Variants in INPP5D observed in about 807,000 individuals in gnomAD.
INPP5D encodes the protein phosphatidylinositol 3,4,5-trisphosphate 5-phosphatase 1.
In INPP5D, 33 loss-of-function variants were observed where a neutral mutation model predicts 122.9. The observed-to-expected ratio is 0.27, with a 90% confidence interval of 0.20 to 0.36. The LOEUF (loss-of-function observed/expected upper bound fraction) is 0.36. Among genes scored for constraint, INPP5D ranks in the 10% least tolerant of loss-of-function variants. The pLI is 1.00. For missense variants in INPP5D, 1,053 were observed against 1,412.7 expected, an observed-to-expected ratio of 0.75 and a Z score of 4.08; for synonymous variants, 584 against 576.2, an observed-to-expected ratio of 1.01 and a Z score of -0.19.
At chr2:233,122,830 A>AAGAGAC (rs1693030234) in intron 3 of INPP5D, among the ~76,000 whole-genome samples, 1 of 152,092 alleles carries the variant, frequency 6.6e-6, no homozygotes, top group Non-Finnish European at 1.5e-5. Flanking sequence ...GAGAGAGAGA[A>AAGAGAC]AGAGACAGTA....
chr2:233,129,740 C>G (rs373828346), intron 4 of INPP5D, among the ~76,000 whole-genome samples: 3 of 152,184 alleles, frequency 2.0e-5, no homozygotes, highest in African/African-American at 7.2e-5. Flanking sequence ...AGCCTTTGGC[C>G]GTGAAATTGC....
intron 26 of INPP5D, 92 bp downstream of exon 26, chr2:233,204,809 TGTGTGTGCACGCATGCATATGTGC>T: frequency 7.1e-7 from 1 of 1,408,340 alleles, no homozygotes; most frequent in Non-Finnish European, 9.3e-7. Context: ...TGTGTGCATG[TGTGTGTGCACGCATGCATATGTGC>T]GTGCATGTGT....
At chr2:233,166,299 G>T (rs1203780996) in intron 13 of INPP5D, among the ~76,000 whole-genome samples, 1 of 152,214 alleles carries the variant, frequency 6.6e-6, no homozygotes, top group Non-Finnish European at 1.5e-5. Flanking sequence ...ACCAGTTCCT[G>T]GTCATCCTGG....
At chr2:233,173,709 G>A (rs1046965201) in intron 17 of INPP5D, among the ~76,000 whole-genome samples, 6 of 152,056 alleles carry the variant, frequency 3.9e-5, no homozygotes, top group African/African-American at 1.4e-4. Context: ...AGGTGGGTGA[G>A]TCACCTGAGG....
At chr2:233,121,195 G>C (rs1232655912) in intron 2 of INPP5D, among the ~76,000 whole-genome samples, 1 of 141,644 alleles carries the variant, frequency 7.1e-6, no homozygotes, top group Non-Finnish European at 1.5e-5. Context: ...GCAGTGGTGT[G>C]ATCTTGGTTC....
intron 2 of INPP5D, among the ~76,000 whole-genome samples, chr2:233,086,572 G>A (rs988838166): frequency 2.6e-5 from 4 of 152,112 alleles, no homozygotes; most frequent in East Asian, 1.9e-4. Flanking sequence ...GGTAGCTGGC[G>A]AGTGAGGCCA....
intron 3 of INPP5D, among the ~76,000 whole-genome samples, chr2:233,122,699 C>A (rs564152528): frequency 6.6e-6 from 1 of 151,862 alleles, no homozygotes; most frequent in East Asian, 1.9e-4. Flanking sequence ...CCTAGCTACT[C>A]GGGAGGCCGA....
intron 14 of INPP5D, 26 bp downstream of exon 14, chr2:233,169,427 G>T (rs1029349976): frequency 3.2e-6 from 5 of 1,567,770 alleles, no homozygotes; most frequent in Admixed American, 1.9e-5. Context: ...CCCCCCAAGA[G>T]TGTGCATTTG....
At chr2:233,067,702 T>C (rs943269285) in intron 1 of INPP5D, among the ~76,000 whole-genome samples, 6 of 152,202 alleles carry the variant, frequency 3.9e-5, no homozygotes, top group African/African-American at 2.4e-5. Flanking sequence ...CACTTGTTAT[T>C]ATCTTTTTTA....
At chr2:233,151,331 ACAATAATAG>A (rs1693919063) in intron 9 of INPP5D, among the ~76,000 whole-genome samples, 1 of 37,970 alleles carries the variant, frequency 2.6e-5, no homozygotes, top group Admixed American at 3.0e-4. Context: ...AATAATAATA[ACAATAATAG>A]GCTATTTCAG....
intron 5 of INPP5D, among the ~76,000 whole-genome samples, chr2:233,133,530 G>T (rs1188107309): frequency 2.6e-5 from 4 of 152,208 alleles, no homozygotes; most frequent in Non-Finnish European, 4.4e-5. Context: ...AGCACAGGCT[G>T]CCCAGAGAGG....
chr2:233,182,454 G>A lies in INPP5D; in HGVS notation c.2116G>A (p.Ala706Thr). 2 of 1,613,698 alleles carry A rather than the reference G, an allele frequency of 1.2e-6. No individual in the cohort carries two copies. Among genetic ancestry groups the A allele is most frequent in the Non-Finnish European group, 1.7e-6 (2 of 1,179,704 alleles). The stretch of plus-strand genomic sequence containing the variant: ...GACGAGTGACCACAGCCCTGTCTTT[G>A]CCACATTTGAGGCAGGAGTCACTTC... ...IMTSDHSPVF[A>T]TFEAGVTSQF... The change falls in exon 19 of 27, where the codon GCC (alanine) becomes ACC (threonine). Residue 706 changes from alanine to threonine, a missense_variant. Coordinates refer to ENST00000445964, the MANE Select transcript of INPP5D (RefSeq NM_001017915.3).
chr2:233,146,056 G>C (rs1389722748), intron 6 of INPP5D, 106 bp from the exon 7 acceptor site: 1 of 703,550 alleles, frequency 1.4e-6, no homozygotes, highest in Non-Finnish European at 2.6e-6. Flanking sequence ...TTGTGGGGCT[G>C]CGGGGAGGCT....
chr2:233,120,292 T>C (rs1303402940), intron 2 of INPP5D, among the ~76,000 whole-genome samples: 1 of 152,150 alleles, frequency 6.6e-6, no homozygotes, highest in African/African-American at 2.4e-5. Flanking sequence ...GAGACCAGCT[T>C]GGCCAACATG....
intron 10 of INPP5D, among the ~76,000 whole-genome samples, chr2:233,158,890 C>G (rs183643632): frequency 9.2e-5 from 14 of 152,264 alleles, no homozygotes; most frequent in African/African-American, 2.9e-4. Context: ...GGGATCCCCC[C>G]ACCCACCTCA....
Position 233,206,876 on chromosome 2 carries a change from G to A in INPP5D, c.*168G>A, listed in dbSNP as rs757701085. 9.3e-5 allele frequency: 58 copies of A among 624,046 alleles called. No individual in the cohort carries two copies. The highest frequency in any genetic ancestry group is 1.4e-4 in the Non-Finnish European group (49 of 338,254). 38.7% of individuals were successfully genotyped at this position (624,046 alleles called of 1,614,324 possible). ...GTGTGGCCCACAGAGTTCACTGCCT[G>A]TGAGACTTAGCACCAAGTGCTGAGG... is the stretch of plus-strand genomic sequence containing the variant. On this transcript the variant is annotated 3_prime_UTR_variant, in exon 27 of 27. Transcript: ENST00000445964. The surrounding 1 kb of genome is among the most constrained non-coding windows in gnomAD (Gnocchi z 4.0).
intron 9 of INPP5D, among the ~76,000 whole-genome samples, chr2:233,156,645 T>G (rs1346007438): frequency 6.6e-6 from 1 of 152,114 alleles, no homozygotes; most frequent in African/African-American, 2.4e-5. Context: ...GCTCCACTCT[T>G]CTGTGGAGTC....
chr2:233,190,076 G>A, intron 22 of INPP5D, 139 bp downstream of exon 22: 2 of 1,352,790 alleles, frequency 1.5e-6, no homozygotes, highest in South Asian at 3.0e-5. Context: ...CTGCTAGTGG[G>A]ACCGTCACCA....
chr2:233,172,823 A>G (rs1054455731), intron 17 of INPP5D, among the ~76,000 whole-genome samples: 2 of 152,222 alleles, frequency 1.3e-5, no homozygotes, highest in Admixed American at 6.5e-5. Context: ...CCCGTATAGC[A>G]TGTTACTTTA....
Sources: allele counts gnomAD v4.1 joint callset (sites outside exome capture counted in the v4.1 genomes callset), GRCh38; gene constraint gnomAD v4.1.1; non-coding constraint Gnocchi (gnomAD v3.1); transcripts MANE v1.5; gene names NCBI Gene and HGNC (gene_info 2026-07-23, HGNC 2026-07-21).